Variants in ZNF385D observed in about 807,000 individuals in gnomAD.
ZNF385D encodes the protein zinc finger protein 385D.
Under a neutral mutation model 35.8 loss-of-function variants are expected in ZNF385D, and 15 were observed. The observed-to-expected ratio is 0.42, with a 90% CI of 0.28 to 0.64. ZNF385D has a LOEUF of 0.64. Among genes scored for constraint, ZNF385D ranks in the 30% least tolerant of loss-of-function variants. The probability of loss-of-function intolerance (pLI) is 0.23; values close to 1 mark genes in which losing one functional copy is unlikely to be tolerated. For synonymous variants in ZNF385D, 212 were observed against 186.8 expected, an observed-to-expected ratio of 1.13 and a Z score of -1.10; for missense variants, 474 against 494.6, an observed-to-expected ratio of 0.96 and a Z score of 0.39.
At chr3:22,071,642 C>T (rs1242465256) in intron 3 of ZNF385D, among the ~76,000 whole-genome samples, 1 of 152,112 alleles carries the variant, frequency 6.6e-6, no homozygotes, top group Non-Finnish European at 1.5e-5. Flanking sequence ...TTTCAACATA[C>T]TTAGAAAATA....
At chr3:22,116,694 C>A (rs528400750) in intron 3 of ZNF385D, among the ~76,000 whole-genome samples, 1 of 151,894 alleles carries the variant, frequency 6.6e-6, no homozygotes, top group Non-Finnish European at 1.5e-5. Flanking sequence ...CAGATAAAAC[C>A]AAAATTTGTC....
intron 3 of ZNF385D, among the ~76,000 whole-genome samples, chr3:21,769,989 G>A (rs34431593): frequency 0.18 from 26,773 of 152,074 alleles, 2,886 homozygotes; most frequent in Non-Finnish European, 0.24. Flanking sequence ...AATGGGGAAC[G>A]GATTCCCTAT....
intron 1 of ZNF385D, among the ~76,000 whole-genome samples, chr3:21,704,923 G>T (rs1218017761): frequency 6.6e-6 from 1 of 152,146 alleles, no homozygotes; most frequent in African/African-American, 2.4e-5. Context: ...GCAGTGGGGT[G>T]CTATGTCATA....
At chr3:21,719,747 A>C (rs1195272958) in intron 1 of ZNF385D, among the ~76,000 whole-genome samples, 1 of 152,166 alleles carries the variant, frequency 6.6e-6, no homozygotes, top group East Asian at 1.9e-4. Context: ...TCTCTCTCAG[A>C]GTATAATGTC....
At chr3:21,917,658 A>G (rs17010126) in intron 3 of ZNF385D, among the ~76,000 whole-genome samples, 81,366 of 152,060 alleles carry the variant, frequency 0.54, 23,830 homozygotes, top group South Asian at 0.66. Context: ...AAAGTCATAT[A>G]CACAGGAACA....
intron 3 of ZNF385D, among the ~76,000 whole-genome samples, chr3:22,136,667 C>G (rs1340413397): frequency 6.6e-6 from 1 of 152,026 alleles, no homozygotes; most frequent in Non-Finnish European, 1.5e-5. Context: ...TAATCATTGC[C>G]AAAACGTGGG....
intron 2 of ZNF385D, among the ~76,000 whole-genome samples, chr3:21,571,513 A>G (rs2063333391): frequency 6.6e-6 from 1 of 152,172 alleles, no homozygotes; most frequent in Admixed American, 6.5e-5. Context: ...AAACTTTGGT[A>G]GGCATGGCCA....
rs1234375909 is a variant in ZNF385D at position 21,419,996 on chromosome 3, C to T, written c.*1218G>A. ...AGAAATAATTGTCGAGTGGAACTTA[C>T]CAGTATTTTTTAACACTATGTCATT... On this transcript the variant is annotated 3_prime_UTR_variant, in exon 8 of 8. Transcript: ENST00000281523. 2 of 152,000 alleles carry T rather than the reference C, an allele frequency of 1.3e-5. No homozygotes were observed. Among genetic ancestry groups the T allele is most frequent in the Admixed American group, 1.3e-4 (2 of 15,260 alleles). The allele number at this position is 152,000 out of a possible 1,614,324, so 9.4% of individuals were successfully genotyped here.
chr3:21,714,856 G>A (rs1390315557), intron 1 of ZNF385D, among the ~76,000 whole-genome samples: 1 of 151,950 alleles, frequency 6.6e-6, no homozygotes, highest in African/African-American at 2.4e-5. Context: ...ATGATATATA[G>A]CATGATATTA....
At chr3:21,440,953 A>G (rs549006846) in intron 4 of ZNF385D, among the ~76,000 whole-genome samples, 1 of 152,234 alleles carries the variant, frequency 6.6e-6, no homozygotes, top group African/African-American at 2.4e-5. Context: ...CCCAATGCCA[A>G]ATCTAGTGTG....
intron 2 of ZNF385D, among the ~76,000 whole-genome samples, chr3:22,176,954 T>C (rs1694872227): frequency 6.6e-6 from 1 of 152,178 alleles, no homozygotes; most frequent in Admixed American, 6.5e-5. Flanking sequence ...TCCTCAAAGT[T>C]TCAAAGACCA....
At chr3:21,446,601 C>T (rs1051728393) in intron 4 of ZNF385D, among the ~76,000 whole-genome samples, 2 of 141,012 alleles carry the variant, frequency 1.4e-5, no homozygotes, top group Non-Finnish European at 3.0e-5. Flanking sequence ...TCAAGTGATT[C>T]TTCTGCCTCA....
intron 3 of ZNF385D, among the ~76,000 whole-genome samples, chr3:22,099,922 T>TC (rs11421293): frequency 0.79 from 119,631 of 151,924 alleles, 47,934 homozygotes; most frequent in Non-Finnish European, 0.84. Context: ...ATCAAAAATG[T>TC]CAGGATTAAG....
chr3:22,154,472 C>T, intron 3 of ZNF385D, among the ~76,000 whole-genome samples: 1 of 152,152 alleles, frequency 6.6e-6, no homozygotes, highest in Admixed American at 6.6e-5. Flanking sequence ...TGAATTCCTC[C>T]TCTCTGCCAG....
At chr3:22,045,753 C>T (rs1698962060) in intron 3 of ZNF385D, among the ~76,000 whole-genome samples, 2 of 151,742 alleles carry the variant, frequency 1.3e-5, no homozygotes, top group Non-Finnish European at 2.9e-5. Context: ...AGATTTCTGA[C>T]CATTCTCTCA....
At chr3:21,631,354 C>G (rs1277042253) in intron 2 of ZNF385D, among the ~76,000 whole-genome samples, 1 of 151,468 alleles carries the variant, frequency 6.6e-6, no homozygotes, top group South Asian at 2.1e-4. Flanking sequence ...GTCTGAACTT[C>G]CTATATCCGA....
At chr3:22,345,274 G>A (rs1695606040) in intron 2 of ZNF385D, among the ~76,000 whole-genome samples, 1 of 152,002 alleles carries the variant, frequency 6.6e-6, no homozygotes, top group Non-Finnish European at 1.5e-5. Flanking sequence ...CAGATACAGA[G>A]CAAAAGGTTT....
At chr3:21,757,872 T>A (rs1011404397) in intron 3 of ZNF385D, among the ~76,000 whole-genome samples, 2 of 152,220 alleles carry the variant, frequency 1.3e-5, no homozygotes, top group African/African-American at 4.8e-5. Flanking sequence ...CTATAACCAA[T>A]GCCTCAGATG....
chr3:21,812,505 C>T (rs148326758), intron 3 of ZNF385D, among the ~76,000 whole-genome samples: 263 of 152,348 alleles, frequency 1.7e-3, no homozygotes, highest in African/African-American at 6.0e-3. Context: ...CCTAGTACTG[C>T]GCTTTTCCAA....
Sources: allele counts gnomAD v4.1 joint callset (sites outside exome capture counted in the v4.1 genomes callset), GRCh38; gene constraint gnomAD v4.1.1; transcripts MANE v1.5; gene names NCBI Gene and HGNC (gene_info 2026-07-23, HGNC 2026-07-21).